The following CACNG2 variants were observed in gnomAD, a reference collection of about 807,000 sequenced individuals.
The protein encoded by CACNG2 is calcium voltage-gated channel auxiliary subunit gamma 2.
Under a neutral mutation model 25.9 loss-of-function variants are expected in CACNG2, and 3 were observed. The observed-to-expected ratio is 0.12, with a 90% CI of 0.05 to 0.30. CACNG2 has a LOEUF of 0.30. Ranked by LOEUF, CACNG2 falls within the 10% of genes least tolerant of loss-of-function variation. The pLI is 1.00. For synonymous variants in CACNG2, 167 were observed against 173.3 expected, an observed-to-expected ratio of 0.96 and a Z score of 0.29; for missense variants, 341 against 432.5, an observed-to-expected ratio of 0.79 and a Z score of 1.88.
chr22:36,634,731 G>T (rs1330383475), intron 1 of CACNG2, among the ~76,000 whole-genome samples: 2 of 152,178 alleles, frequency 1.3e-5, no homozygotes, highest in Non-Finnish European at 2.9e-5. Flanking sequence ...GCCAGGTTTT[G>T]CTAGGCTCTG....
intron 1 of CACNG2, among the ~76,000 whole-genome samples, chr22:36,689,660 T>C (rs1165058809): frequency 6.6e-6 from 1 of 152,220 alleles, no homozygotes. Context: ...CTTTCCAAGG[T>C]AGAAATGAGA....
At chr22:36,663,226 T>C (rs1389206894) in intron 1 of CACNG2, among the ~76,000 whole-genome samples, 1 of 152,116 alleles carries the variant, frequency 6.6e-6, no homozygotes, top group African/African-American at 2.4e-5. Flanking sequence ...AAAACACGGA[T>C]TTGACCAGTA....
chr22:36,624,220 G>T lies in CACNG2; in HGVS notation c.212-36672C>A, dbSNP rs957949. On this transcript the variant is annotated intron_variant, in intron 1 of 3. Coordinates refer to ENST00000300105, the MANE Select transcript of CACNG2 (RefSeq NM_006078.5). The stretch of plus-strand genomic sequence containing the variant: ...TTGGAGTCTGTGTGGGAGGCAGCGG[G>T]GATGGCCCGAGGCAAAGCCGTGAAC... 6.2e-4 allele frequency among the ~76,000 whole-genome samples: 94 copies of T among 152,322 alleles called. 3 individuals carry two copies. The East Asian group carries it at 0.016, about 26-fold the overall frequency.
intron 1 of CACNG2, among the ~76,000 whole-genome samples, chr22:36,700,842 G>A (rs1285954924): frequency 6.6e-6 from 1 of 152,188 alleles, no homozygotes; most frequent in East Asian, 1.9e-4. Context: ...GGCACCAAAT[G>A]CAGTATGCGT....
intron 1 of CACNG2, among the ~76,000 whole-genome samples, chr22:36,676,028 A>G (rs1569048821): frequency 1.3e-5 from 2 of 152,142 alleles, no homozygotes. Flanking sequence ...GCTGGTGAGA[A>G]GTGATGTTTA....
intron 1 of CACNG2, among the ~76,000 whole-genome samples, chr22:36,655,051 G>A (rs574072454): frequency 5.3e-5 from 8 of 152,140 alleles, no homozygotes; most frequent in African/African-American, 1.2e-4. Flanking sequence ...TGCTGGGGCC[G>A]GACTGGGGAA....
At chr22:36,596,407 T>C (rs1935679181) in intron 1 of CACNG2, among the ~76,000 whole-genome samples, 1 of 152,240 alleles carries the variant, frequency 6.6e-6, no homozygotes, top group African/African-American at 2.4e-5. Flanking sequence ...ACAGAACGTG[T>C]GGCATCCTAT....
At chr22:36,572,044 G>T (rs1935238838) in intron 2 of CACNG2, among the ~76,000 whole-genome samples, 1 of 152,132 alleles carries the variant, frequency 6.6e-6, no homozygotes, top group African/African-American at 2.4e-5. Flanking sequence ...TTCCTACAAA[G>T]CCAAGCATGG....
chr22:36,631,297 G>A (rs939421723), intron 1 of CACNG2, among the ~76,000 whole-genome samples: 2 of 152,134 alleles, frequency 1.3e-5, no homozygotes, highest in Non-Finnish European at 2.9e-5. Flanking sequence ...GGCGAGTTCA[G>A]TTATGGACTC....
intron 1 of CACNG2, among the ~76,000 whole-genome samples, chr22:36,679,987 A>C (rs1319441504): frequency 6.6e-6 from 1 of 151,854 alleles, no homozygotes; most frequent in Non-Finnish European, 1.5e-5. Flanking sequence ...CATCACCATC[A>C]CCACCACCTT....
At chr22:36,665,451 A>C (rs998517286) in intron 1 of CACNG2, among the ~76,000 whole-genome samples, 1 of 152,244 alleles carries the variant, frequency 6.6e-6, no homozygotes, top group Non-Finnish European at 1.5e-5. Context: ...ATGCTCAGTT[A>C]GCGTGAGCTG....
chr22:36,584,222 C>G (rs186581094), intron 2 of CACNG2, among the ~76,000 whole-genome samples: 77 of 152,308 alleles, frequency 5.1e-4, no homozygotes, highest in African/African-American at 1.8e-3. Flanking sequence ...CAGGCTGAGG[C>G]AGGCGGATCA....
chr22:36,693,559 C>T (rs570765403), intron 1 of CACNG2, among the ~76,000 whole-genome samples: 1 of 152,306 alleles, frequency 6.6e-6, no homozygotes, highest in East Asian at 1.9e-4. Context: ...GGCTTCCTAC[C>T]TTTCTGGGCT....
rs1935102984 is a variant in CACNG2, at chr22:36,565,027, C to A, written c.437-141G>T. On this transcript the variant is annotated intron_variant, in intron 3 of 3. Coordinates refer to ENST00000300105, the MANE Select transcript of CACNG2 (RefSeq NM_006078.5). The stretch of plus-strand genomic sequence containing the variant: ...CCCGCGCCTTCATGAACAGGTGGGG[C>A]GGTGTAGATGGACATCCGCAAGCTT... 4.1e-6 allele frequency: 3 copies of A among 724,416 alleles called. No homozygotes were observed. In the East Asian group the frequency reaches 7.6e-5, roughly 18 times the overall value. 44.9% of individuals were successfully genotyped at this position (724,416 alleles called of 1,614,324 possible).
At chr22:36,660,219 G>C (rs1054145572) in intron 1 of CACNG2, among the ~76,000 whole-genome samples, 4 of 152,226 alleles carry the variant, frequency 2.6e-5, no homozygotes, top group Non-Finnish European at 5.9e-5. Flanking sequence ...GCTCATGACA[G>C]GACTTGGCAC....
chr22:36,611,065 A>T (rs561227441), intron 1 of CACNG2, among the ~76,000 whole-genome samples: 2 of 152,354 alleles, frequency 1.3e-5, no homozygotes, highest in African/African-American at 4.8e-5. Flanking sequence ...ATTCAATTTG[A>T]TATGATGTCG....
chr22:36,695,293 A>AT (rs1488401610), intron 1 of CACNG2, among the ~76,000 whole-genome samples: 1 of 152,180 alleles, frequency 6.6e-6, no homozygotes, highest in Non-Finnish European at 1.5e-5. Context: ...AAAGGCAGGT[A>AT]TTTTTATCCC....
intron 1 of CACNG2, among the ~76,000 whole-genome samples, chr22:36,666,062 A>C (rs1311197094): frequency 6.6e-6 from 1 of 152,242 alleles, no homozygotes. Flanking sequence ...TACGTGCTAC[A>C]CCATGGATGA....
intron 1 of CACNG2, among the ~76,000 whole-genome samples, chr22:36,645,833 G>A (rs1010804172): frequency 9.9e-5 from 15 of 152,124 alleles, no homozygotes; most frequent in African/African-American, 3.4e-4. Context: ...ATAAACAAAT[G>A]TGAAAAGAAA....
Sources: allele counts gnomAD v4.1 joint callset (sites outside exome capture counted in the v4.1 genomes callset), GRCh38; gene constraint gnomAD v4.1.1; transcripts MANE v1.5; gene names NCBI Gene and HGNC (gene_info 2026-07-23, HGNC 2026-07-21).